Variants in LIMCH1 observed in about 807,000 individuals in gnomAD.
LIMCH1 encodes LIM and calponin homology domains 1.
A neutral mutation model predicts 176.5 loss-of-function variants in LIMCH1; 113 were observed. The ratio of observed to expected loss-of-function variants is 0.64; its 90% CI spans 0.55 to 0.75. LIMCH1 has a LOEUF of 0.75. Among genes scored for constraint, LIMCH1 ranks in the 30% least tolerant of loss-of-function variants. LIMCH1 has a pLI of 0.00. For synonymous variants in LIMCH1, 619 were observed against 645.9 expected (o/e 0.96, Z 0.63); for missense variants, 1,674 against 1,814.9 (o/e 0.92, Z 1.41).
At chr4:41,684,784 T>C (rs1719291242) in intron 27 of LIMCH1, among the ~76,000 whole-genome samples, 1 of 152,154 alleles carries the variant, frequency 6.6e-6, no homozygotes, top group Non-Finnish European at 1.5e-5. Flanking sequence ...CCTTCATAAG[T>C]AGTGCATTCT....
intron 13 of LIMCH1, among the ~76,000 whole-genome samples, chr4:41,634,834 A>T (rs1585125018): frequency 6.6e-6 from 1 of 152,334 alleles, no homozygotes; most frequent in East Asian, 1.9e-4. Flanking sequence ...ATCACACATG[A>T]TTCCCGAGCT....
intron 1 of LIMCH1, among the ~76,000 whole-genome samples, chr4:41,385,005 G>T (rs2056298609): frequency 6.6e-6 from 1 of 152,206 alleles, no homozygotes; most frequent in Non-Finnish European, 1.5e-5. Flanking sequence ...TGAGGAAGTT[G>T]GAGTAGTTCT....
At chr4:41,627,053 T>C (rs533343533) in intron 8 of LIMCH1, 43 bp downstream of exon 8, 1 of 1,507,056 alleles carries the variant, frequency 6.6e-7, no homozygotes, top group Admixed American at 2.1e-5. Flanking sequence ...TGTGTGTGTG[T>C]CTATGAAAGA....
At chr4:41,361,161 C>T (rs187751425) in intron 1 of LIMCH1, among the ~76,000 whole-genome samples, 12 of 152,330 alleles carry the variant, frequency 7.9e-5, no homozygotes, top group African/African-American at 2.9e-4. Flanking sequence ...TGCAGTCTAG[C>T]TGCGCGCGTG....
chr4:41,659,225 A>G (rs899626169), intron 18 of LIMCH1, among the ~76,000 whole-genome samples: 1 of 152,182 alleles, frequency 6.6e-6, no homozygotes, highest in African/African-American at 2.4e-5. Flanking sequence ...TTCAAGTCAG[A>G]CTTATTGATA....
At chr4:41,361,023 C>A in intron 1 of LIMCH1, 2 of 898,282 alleles carry the variant, frequency 2.2e-6, no homozygotes, top group Non-Finnish European at 3.2e-6. Flanking sequence ...CCAGCCTTGC[C>A]TCCCCCCAAC....
chr4:41,446,568 C>T (rs1400172914), intron 1 of LIMCH1, among the ~76,000 whole-genome samples: 1 of 152,156 alleles, frequency 6.6e-6, no homozygotes, highest in African/African-American at 2.4e-5. Flanking sequence ...CATCCTCTAA[C>T]CTTTCTGGAA....
At chr4:41,560,973 C>T (rs543900071) in intron 1 of LIMCH1, among the ~76,000 whole-genome samples, 9 of 150,968 alleles carry the variant, frequency 6.0e-5, no homozygotes, top group East Asian at 3.9e-4. Flanking sequence ...GCCATGATTA[C>T]AGCACTGCAC....
At chr4:41,407,516 C>T (rs1263565227) in intron 1 of LIMCH1, among the ~76,000 whole-genome samples, 2 of 152,220 alleles carry the variant, frequency 1.3e-5, no homozygotes, top group Non-Finnish European at 1.5e-5. Context: ...AGGCATGAGC[C>T]ACTGCACCTG....
chr4:41,538,789 G>T (rs964163179), intron 1 of LIMCH1, among the ~76,000 whole-genome samples: 1 of 152,098 alleles, frequency 6.6e-6, no homozygotes, highest in East Asian at 1.9e-4. Flanking sequence ...GTCACATTCT[G>T]CTCCTGACTC....
At chr4:41,443,029 G>A (rs1007395752) in intron 1 of LIMCH1, among the ~76,000 whole-genome samples, 1 of 152,064 alleles carries the variant, frequency 6.6e-6, no homozygotes, top group Admixed American at 6.6e-5. Context: ...TCAAAGGAAA[G>A]GTCCTATCAT....
intron 1 of LIMCH1, among the ~76,000 whole-genome samples, chr4:41,437,944 T>C (rs2062266103): frequency 6.6e-6 from 1 of 152,256 alleles, no homozygotes; most frequent in African/African-American, 2.4e-5. Context: ...GACCCTGCAG[T>C]GACCACTGGA....
intron 1 of LIMCH1, among the ~76,000 whole-genome samples, chr4:41,493,523 G>A (rs1418694674): frequency 6.6e-6 from 1 of 151,700 alleles, no homozygotes; most frequent in Non-Finnish European, 1.5e-5. Context: ...TGTTTATATA[G>A]CATTTATATT....
At chr4:41,581,108 G>GTCTATCTATCTA (rs1329265925) in intron 1 of LIMCH1, among the ~76,000 whole-genome samples, 2,107 of 128,722 alleles carry the variant, frequency 0.016, 61 homozygotes, top group African/African-American at 0.069. Context: ...TCATCTGTCT[G>GTCTATCTATCTA]TCTGTCTATC....
chr4:41,518,741 C>A (rs1422866410), intron 2 of LIMCH1, among the ~76,000 whole-genome samples: 1 of 152,088 alleles, frequency 6.6e-6, no homozygotes, highest in South Asian at 2.1e-4. Flanking sequence ...TCTTGCCCCC[C>A]ACCCCCGATA....
intron 14 of LIMCH1, among the ~76,000 whole-genome samples, chr4:41,643,367 A>G (rs57603849): frequency 0.016 from 2,483 of 152,160 alleles, 69 homozygotes; most frequent in African/African-American, 0.057. Flanking sequence ...GACTGTCACC[A>G]TATTTTGTTG....
intron 15 of LIMCH1, among the ~76,000 whole-genome samples, chr4:41,645,122 G>A (rs760557293): frequency 6.6e-6 from 1 of 152,200 alleles, no homozygotes; most frequent in African/African-American, 2.4e-5. Context: ...CTTGCTGAAC[G>A]TCACATAGCT....
chr4:41,549,149 C>T (rs1392637967), intron 1 of LIMCH1, among the ~76,000 whole-genome samples: 2 of 152,090 alleles, frequency 1.3e-5, no homozygotes, highest in African/African-American at 4.8e-5. Context: ...CTTGGCCTCC[C>T]AAAGTGCTGG....
At chr4:41,511,159 A>C (rs1020964209) in intron 2 of LIMCH1, among the ~76,000 whole-genome samples, 1 of 152,118 alleles carries the variant, frequency 6.6e-6, no homozygotes, top group East Asian at 1.9e-4. Context: ...GGGTGCAATG[A>C]TTCTATTCAA....
Sources: allele counts gnomAD v4.1 joint callset (sites outside exome capture counted in the v4.1 genomes callset), GRCh38; gene constraint gnomAD v4.1.1; transcripts MANE v1.5; gene names NCBI Gene and HGNC (gene_info 2026-07-23, HGNC 2026-07-21).